Variants in CREBBP observed in about 807,000 individuals in gnomAD.
CREBBP encodes CREB-binding protein.
CREBBP carries 19 observed loss-of-function variants against 265.0 expected under a neutral mutation model. The ratio of observed to expected loss-of-function variants is 0.07; its 90% CI spans 0.05 to 0.11. CREBBP has a LOEUF of 0.11. Among genes scored for constraint, CREBBP ranks in the 10% least tolerant of loss-of-function variants. The pLI, the probability that CREBBP is intolerant of heterozygous loss-of-function variation, is 1.00. For missense variants in CREBBP, 2,525 were observed against 3,219.0 expected, an observed-to-expected ratio of 0.78 and a Z score of 5.22; for synonymous variants, 1,457 against 1,223.7, an observed-to-expected ratio of 1.19 and a Z score of -3.98.
chr16:3,808,671 G>A (rs2053879298), intron 3 of CREBBP, among the ~76,000 whole-genome samples: 3 of 152,270 alleles, frequency 2.0e-5, no homozygotes, highest in Admixed American at 2.0e-4. Flanking sequence ...GTAGATAAAG[G>A]AGAGGGGATG....
intron 23 of CREBBP, chr16:3,741,736 TCGAGAC>T (rs369257129): frequency 2.1e-4 from 32 of 151,670 alleles, no homozygotes; most frequent in African/African-American, 7.8e-4. Flanking sequence ...GGTCAGGAGT[TCGAGAC>T]CAGCCTGGCC....
At chr16:3,854,804 A>G (rs1473149975) in intron 1 of CREBBP, among the ~76,000 whole-genome samples, 1 of 152,228 alleles carries the variant, frequency 6.6e-6, no homozygotes, top group African/African-American at 2.4e-5. Context: ...CCCTCTTGTC[A>G]GTCTAGAAAA....
chr16:3,843,983 C>A (rs1407521623), intron 2 of CREBBP, among the ~76,000 whole-genome samples: 3 of 150,266 alleles, frequency 2.0e-5, no homozygotes, highest in Admixed American at 6.6e-5. Context: ...CCCGTCTCTA[C>A]TAAAAATACA....
At chr16:3,815,410 C>T (rs566180604) in intron 2 of CREBBP, among the ~76,000 whole-genome samples, 2 of 151,326 alleles carry the variant, frequency 1.3e-5, no homozygotes, top group Non-Finnish European at 2.9e-5. Flanking sequence ...CATGGTGGTG[C>T]GTGCGTATAA....
chr16:3,849,446 TGTGTGTGTG>T (rs2054768042), intron 2 of CREBBP, among the ~76,000 whole-genome samples: 5 of 33,652 alleles, frequency 1.5e-4, no homozygotes, highest in Admixed American at 6.7e-4. Context: ...TGTGTGTGTG[TGTGTGTGTG>T]TGTGTGTGTG....
At position 3,731,902 on chromosome 16, in the gene CREBBP, C is replaced by G. The variant is rs1450303039; in HGVS notation, c.4764G>C (p.Lys1588Asn). ...SQGDSKNAKK[K>N]NNKKTNKNKS... ...TGTTCTTGTTGGTTTTCTTGTTGTT[C>G]TTCTTCTTGGCATTCTTGCTGTCGC... The change falls in exon 29 of 31, where the codon AAG (lysine) becomes AAC (asparagine). Residue 1588 changes from lysine to asparagine, a missense_variant. Around this residue, in one of 19 missense-constraint regions of CREBBP, gnomAD observed 93 missense variants for 161.5 expected, o/e 0.58. Coordinates refer to ENST00000262367, the MANE Select transcript of CREBBP (RefSeq NM_004380.3). The surrounding 1 kb of genome is among the most constrained non-coding windows in gnomAD (Gnocchi z 7.7). 5.0e-6 allele frequency: 8 copies of G among 1,614,250 alleles called. No individual in the cohort carries two copies. Among genetic ancestry groups the G allele is most frequent in the Non-Finnish European group, 5.9e-6 (7 of 1,180,054 alleles).
intron 2 of CREBBP, among the ~76,000 whole-genome samples, chr16:3,822,990 ACT>A (rs971774489): frequency 2.0e-5 from 3 of 152,162 alleles, no homozygotes; most frequent in African/African-American, 2.4e-5. Flanking sequence ...CACAAAGGTG[ACT>A]CTGATTACTG....
At chr16:3,765,674 G>A (rs1478706847) in intron 16 of CREBBP, among the ~76,000 whole-genome samples, 1 of 152,076 alleles carries the variant, frequency 6.6e-6, no homozygotes, top group African/African-American at 2.4e-5. Context: ...TTGAGACAGG[G>A]CCTCACTCTG....
chr16:3,835,691 T>C (rs751235422), intron 2 of CREBBP, among the ~76,000 whole-genome samples: 3 of 150,512 alleles, frequency 2.0e-5, no homozygotes, highest in Non-Finnish European at 4.4e-5. Flanking sequence ...GCCATTCTCC[T>C]GCCTCAGCCT....
At position 3,728,330 on chromosome 16, in the gene CREBBP, G is replaced by A. The variant is rs1567260326; in HGVS notation, c.6717C>T (p.Gly2239=). ...GCTGCTGCTGCATGGCCGGTGGGTA[G>A]CCTCCGGGTCCTTGAGGCTGCTGGA... ...GQFQQPQGPG[G]YPPAMQQQQR... is the part of the protein sequence containing the mutation. The change falls in exon 31 of 31, where the codon GGC becomes GGT. Residue 2239 remains glycine (G), a synonymous_variant. Coordinates refer to ENST00000262367, the MANE Select transcript of CREBBP (RefSeq NM_004380.3). This position sits in a 1 kb window ranked among gnomAD's most constrained non-coding sequence, Gnocchi z 8.7. 4 of 1,612,438 alleles carry A rather than the reference G, an allele frequency of 2.5e-6. No homozygotes were observed. The highest frequency in any genetic ancestry group is 1.7e-4 in the Middle Eastern group (1 of 5,800).
rs1425502124 is a variant in CREBBP at position 3,731,201 on chromosome 16, A to G, written c.5163T>C (p.Thr1721=). 15 of 1,612,386 alleles carry G rather than the reference A, an allele frequency of 9.3e-6. No individual in the cohort carries two copies. Among genetic ancestry groups the G allele is most frequent in the Admixed American group, 6.7e-5 (4 of 59,974 alleles). The change falls in exon 30 of 31, where the codon ACT becomes ACC. Residue 1721 remains threonine (T), a synonymous_variant. Transcript: ENST00000262367. This position sits in a 1 kb window ranked among gnomAD's most constrained non-coding sequence, Gnocchi z 7.7. ...KHHVETRWHC[T]VCEDYDLCIN... ...TGGGGGCAGGGCCTACCTCGCACAC[A>G]GTGCAGTGCCAGCGCGTCTCCACGT...
rs755609198 is a variant in CREBBP, at chr16:3,729,251, C to T, written c.5796G>A (p.Thr1932=). ...GGCTGGTAGGCTTCCCTGTGGACAC[C>T]GTGGTGGGGGGCTGAGTCCGGGCCA... is the stretch of plus-strand genomic sequence containing the variant. ...PSVARTQPPT[T]VSTGKPTSQV... is the part of the protein sequence containing the mutation. Residue 1932 remains threonine, a synonymous_variant, in exon 31 of 31, where the codon ACG becomes ACA. Transcript: ENST00000262367. 7 of 1,526,266 alleles carry T rather than the reference C, an allele frequency of 4.6e-6. No homozygotes were observed. Among genetic ancestry groups the T allele is most frequent in the African/African-American group, 2.8e-5 (2 of 72,240 alleles). 94.5% of individuals were successfully genotyped at this position (1,526,266 alleles called of 1,614,324 possible).
intron 16 of CREBBP, among the ~76,000 whole-genome samples, chr16:3,763,487 T>C (rs185581675): frequency 7.9e-5 from 12 of 151,994 alleles, no homozygotes; most frequent in African/African-American, 2.9e-4. Flanking sequence ...TGAGACGAAG[T>C]TTCTCTCTTG....
intron 5 of CREBBP, among the ~76,000 whole-genome samples, chr16:3,789,858 C>A (rs1159771516): frequency 1.3e-5 from 2 of 151,746 alleles, no homozygotes; most frequent in East Asian, 3.9e-4. Flanking sequence ...ATTTTCACAA[C>A]ACTCAGGCCG....
intron 19 of CREBBP, among the ~76,000 whole-genome samples, chr16:3,752,622 G>T (rs1389964165): frequency 1.3e-5 from 2 of 152,020 alleles, no homozygotes; most frequent in Non-Finnish European, 2.9e-5. Flanking sequence ...TATTGTATAA[G>T]AAATACAATA....
intron 3 of CREBBP, among the ~76,000 whole-genome samples, chr16:3,794,978 G>A (rs1037116271): frequency 1.3e-5 from 2 of 152,180 alleles, no homozygotes; most frequent in Admixed American, 1.3e-4. Context: ...AAAGAGGAGA[G>A]AAAACTATAC....
chr16:3,867,863 T>G (rs112230232), intron 1 of CREBBP, among the ~76,000 whole-genome samples: 1 of 152,006 alleles, frequency 6.6e-6, no homozygotes, highest in African/African-American at 2.4e-5. Flanking sequence ...AAGGTGGACA[T>G]TGCAGTGAGC....
intron 2 of CREBBP, among the ~76,000 whole-genome samples, chr16:3,841,728 T>C (rs2054570396): frequency 6.6e-6 from 1 of 152,204 alleles, no homozygotes; most frequent in African/African-American, 2.4e-5. Context: ...CTTGGTTCTA[T>C]TAATTCTTTA....
rs2151296139 is a variant in CREBBP at position 3,726,846 on chromosome 16, AAT to A, written c.*870_*871del. ...GTCTGTTGCACACAGTTTATTTAACAATATGATATAAGAAATGAGTTGGTATT... is the reference window on the plus strand; with the variant it reads ...GTCTGTTGCACACAGTTTATTTAACAATGATATAAGAAATGAGTTGGTATT... On this transcript the variant is annotated 3_prime_UTR_variant, in exon 31 of 31. Coordinates refer to ENST00000262367, the MANE Select transcript of CREBBP (RefSeq NM_004380.3). The A allele has an allele frequency of 4.3e-6, 1 of 233,630 alleles. No homozygotes were observed. Among genetic ancestry groups the A allele is most frequent in the South Asian group, 1.8e-4 (1 of 5,524 alleles). 14.5% of individuals were successfully genotyped at this position (233,630 alleles called of 1,614,324 possible). A position where few individuals can be genotyped will look rare whatever the true frequency, so the allele number is the denominator to read the frequency against.
Sources: allele counts gnomAD v4.1 joint callset (sites outside exome capture counted in the v4.1 genomes callset), GRCh38; gene constraint gnomAD v4.1.1; regional missense constraint gnomAD v4.1.1; non-coding constraint Gnocchi (gnomAD v3.1); transcripts MANE v1.5; gene names NCBI Gene and HGNC (gene_info 2026-07-23, HGNC 2026-07-21).